NRG1: variants seen among roughly 807,000 people sequenced by gnomAD.
NRG1 encodes neuregulin 1, also known as pro-neuregulin-1, membrane-bound isoform.
In NRG1, 18 loss-of-function variants were observed where a neutral mutation model predicts 63.8. The observed-to-expected ratio is 0.28, with a 90% CI of 0.19 to 0.42. The LOEUF (loss-of-function observed/expected upper bound fraction) is 0.42, where lower values mean the gene tolerates loss of function less well. NRG1 is among the 10% of genes least tolerant of loss of function. NRG1 has a pLI of 1.00. For synonymous variants in NRG1, 302 were observed against 301.3 expected, an observed-to-expected ratio of 1.00 and a Z score of -0.02; for missense variants, 762 against 814.7, an observed-to-expected ratio of 0.94 and a Z score of 0.79.
intron 1 of NRG1, among the ~76,000 whole-genome samples, chr8:31,699,495 TTGATGAAGTACTC>T (rs1457730748): frequency 6.6e-6 from 1 of 152,142 alleles, no homozygotes; most frequent in Non-Finnish European, 1.5e-5. Context: ...TCCCAATACT[TTGATGAAGTACTC>T]TGATGAAGTA....
intron 1 of NRG1, among the ~76,000 whole-genome samples, chr8:31,685,634 C>T (rs1468474329): frequency 6.6e-6 from 1 of 152,098 alleles, no homozygotes; most frequent in Admixed American, 6.5e-5. Context: ...AAAAAGAAAC[C>T]CCATGTTCAT....
intron 1 of NRG1, among the ~76,000 whole-genome samples, chr8:31,805,104 T>A (rs1822142904): frequency 6.6e-6 from 1 of 152,236 alleles, no homozygotes; most frequent in African/African-American, 2.4e-5. Context: ...TATGTAAAAT[T>A]ATTTTATTAT....
intron 5 of NRG1, among the ~76,000 whole-genome samples, chr8:32,704,544 A>C (rs1352632516): frequency 1.3e-5 from 2 of 152,216 alleles, no homozygotes; most frequent in African/African-American, 4.8e-5. Context: ...AACAAAAGGC[A>C]TAGTTAAAAA....
chr8:32,316,931 T>C (rs148682179), intron 1 of NRG1, among the ~76,000 whole-genome samples: 64 of 152,352 alleles, frequency 4.2e-4, no homozygotes, highest in African/African-American at 1.5e-3. Context: ...GACAGAAGTC[T>C]CTAGAATATT....
At chr8:32,201,801 C>G (rs1216207127) in intron 1 of NRG1, among the ~76,000 whole-genome samples, 2 of 152,146 alleles carry the variant, frequency 1.3e-5, no homozygotes, top group African/African-American at 4.8e-5. Flanking sequence ...GCATATAGGA[C>G]CATTGGTGTA....
chr8:31,856,904 T>C (rs1382641978), intron 1 of NRG1, among the ~76,000 whole-genome samples: 2 of 152,176 alleles, frequency 1.3e-5, no homozygotes, highest in African/African-American at 4.8e-5. Flanking sequence ...TGCTGGGGGA[T>C]GCCTCCCAGT....
chr8:32,722,372 A>G (rs2129004513), intron 5 of NRG1, among the ~76,000 whole-genome samples: 1 of 152,324 alleles, frequency 6.6e-6, no homozygotes, highest in South Asian at 2.1e-4. Flanking sequence ...ACTGATAAGG[A>G]AAACACCACT....
chr8:31,663,625 A>T (rs1806229924), intron 1 of NRG1, among the ~76,000 whole-genome samples: 4 of 152,210 alleles, frequency 2.6e-5, no homozygotes, highest in African/African-American at 7.2e-5. Flanking sequence ...CTTTTCCCCC[A>T]AATGTCATAT....
At chr8:32,363,299 A>G (rs573645167) in intron 1 of NRG1, among the ~76,000 whole-genome samples, 1 of 152,102 alleles carries the variant, frequency 6.6e-6, no homozygotes, top group Non-Finnish European at 1.5e-5. Flanking sequence ...CCTCCTCACT[A>G]TGTTGCTGTG....
intron 1 of NRG1, among the ~76,000 whole-genome samples, chr8:31,780,768 T>C (rs1470013115): frequency 1.3e-5 from 2 of 152,222 alleles, no homozygotes; most frequent in South Asian, 4.1e-4. Context: ...TAGATATTTC[T>C]GGTGTGCAAG....
At chr8:31,715,132 A>C (rs974856794) in intron 1 of NRG1, among the ~76,000 whole-genome samples, 2 of 152,164 alleles carry the variant, frequency 1.3e-5, no homozygotes, top group African/African-American at 2.4e-5. Flanking sequence ...TCTATTTAAT[A>C]TAAAGCTTAT....
intron 1 of NRG1, among the ~76,000 whole-genome samples, chr8:32,387,392 A>G (rs545791744): frequency 4.2e-4 from 64 of 152,300 alleles, no homozygotes; most frequent in African/African-American, 1.5e-3. Flanking sequence ...GTATTATTAA[A>G]TAATGTCCAG....
intron 5 of NRG1, among the ~76,000 whole-genome samples, chr8:32,707,800 G>C (rs548368811): frequency 1.8e-4 from 27 of 151,880 alleles, no homozygotes; most frequent in Admixed American, 4.6e-4. Context: ...TTGGGCTTTT[G>C]TATTAAATAA....
intron 1 of NRG1, among the ~76,000 whole-genome samples, chr8:32,046,955 A>G (rs755510955): frequency 5.9e-5 from 9 of 152,074 alleles, no homozygotes; most frequent in Non-Finnish European, 1.2e-4. Flanking sequence ...AGTCTTCCCA[A>G]TGCTTGACTA....
intron 1 of NRG1, among the ~76,000 whole-genome samples, chr8:31,787,256 A>G (rs1449315273): frequency 1.3e-5 from 2 of 152,234 alleles, no homozygotes; most frequent in African/African-American, 4.8e-5. Context: ...TGCAAGTGCA[A>G]CTTCTTTTTA....
intron 1 of NRG1, among the ~76,000 whole-genome samples, chr8:32,131,455 A>G (rs1834815856): frequency 6.6e-6 from 1 of 152,038 alleles, no homozygotes; most frequent in African/African-American, 2.4e-5. Flanking sequence ...AATCCATGAA[A>G]ATCTAATACC....
chr8:31,902,437 A>G (rs773598599), intron 1 of NRG1, among the ~76,000 whole-genome samples: 1 of 152,196 alleles, frequency 6.6e-6, no homozygotes, highest in Non-Finnish European at 1.5e-5. Context: ...ATTACAAAGT[A>G]ATTAGTAATC....
chr8:32,642,282 C>A (rs1370639645), intron 5 of NRG1, among the ~76,000 whole-genome samples: 2 of 152,194 alleles, frequency 1.3e-5, no homozygotes, highest in Non-Finnish European at 2.9e-5. Context: ...AATGGACAGC[C>A]CAGCTCTAAG....
chr8:32,300,131 A>G (rs1265202528), intron 1 of NRG1, among the ~76,000 whole-genome samples: 2 of 152,036 alleles, frequency 1.3e-5, no homozygotes, highest in African/African-American at 4.8e-5. Flanking sequence ...TTCACCCAGA[A>G]CCCTCATGTG....
Sources: gnomAD v4.1 joint callset for allele counts (sites outside exome capture counted in the v4.1 genomes callset) on GRCh38, gnomAD v4.1.1 for gene constraint, MANE v1.5 for transcripts, NCBI Gene and HGNC (gene_info 2026-07-23, HGNC 2026-07-21) for gene names.